AGXT2: variants seen among roughly 807,000 people sequenced by gnomAD.
AGXT2 encodes alanine--glyoxylate aminotransferase 2, mitochondrial.
In AGXT2, 61 loss-of-function variants were observed where a neutral mutation model predicts 62.5. The observed-to-expected ratio is 0.98, with a 90% CI of 0.79 to 1.21. The LOEUF (loss-of-function observed/expected upper bound fraction) is 1.21, where lower values mean the gene tolerates loss of function less well. Ranked by LOEUF, AGXT2 falls within the 50% of genes most tolerant of loss-of-function variation. The probability of loss-of-function intolerance (pLI) is 0.00; values close to 1 mark genes in which losing one functional copy is unlikely to be tolerated. For synonymous variants in AGXT2, 243 were observed against 218.7 expected (o/e 1.11, Z -0.98); for missense variants, 666 against 641.5 (o/e 1.04, Z -0.41).
intron 12 of AGXT2, among the ~76,000 whole-genome samples, chr5:35,007,068 G>A (rs534946404): frequency 2.0e-5 from 3 of 152,142 alleles, no homozygotes; most frequent in African/African-American, 7.2e-5. Flanking sequence ...GCATAATATT[G>A]GGAGGTGGGG....
chr5:34,999,925 C>T (rs1012056349), intron 13 of AGXT2, among the ~76,000 whole-genome samples: 5 of 152,154 alleles, frequency 3.3e-5, no homozygotes, highest in African/African-American at 9.7e-5. Flanking sequence ...TCCCCTTAGC[C>T]TATAAACAAG....
intron 13 of AGXT2, among the ~76,000 whole-genome samples, chr5:35,000,591 A>T (rs563404733): frequency 5.3e-5 from 8 of 152,298 alleles, no homozygotes; most frequent in African/African-American, 1.9e-4. Context: ...TATGTTGGCT[A>T]GGCTGGTCTC....
At chr5:35,035,404 CCT>C in intron 4 of AGXT2, 88 bp from the exon 5 acceptor site, 1 of 1,100,420 alleles carries the variant, frequency 9.1e-7, no homozygotes. Context: ...GTGTCCAGCC[CCT>C]GAGTATTAAG....
rs756574561 is a variant in AGXT2 at position 35,047,854 on chromosome 5, G to A, written c.39C>T (p.Cys13=). The A allele has an allele frequency of 6.2e-7, 1 of 1,614,066 alleles. No individual in the cohort carries two copies. Among genetic ancestry groups the A allele is most frequent in the Non-Finnish European group, 8.5e-7 (1 of 1,179,996 alleles). Residue 13 remains cysteine, a synonymous_variant, in exon 1 of 14, where the codon TGC becomes TGT. Transcript: ENST00000231420. ...LIWRHLLRPL[C]LVTSAPRILE... is the part of the protein sequence containing the mutation. ...GGATCCTGGGAGCGGAAGTGACCAG[G>A]CACAAGGGTCTCAGCAAATGTCTCC...
intron 7 of AGXT2, 75 bp from the exon 8 acceptor site, chr5:35,026,585 G>C: frequency 1.6e-6 from 2 of 1,234,524 alleles, no homozygotes; most frequent in Non-Finnish European, 2.3e-6. Flanking sequence ...GAAACATGGG[G>C]AAAAACAGGA....
chr5:35,004,848 C>G (rs900094645), intron 12 of AGXT2, among the ~76,000 whole-genome samples: 11 of 152,126 alleles, frequency 7.2e-5, no homozygotes, highest in African/African-American at 2.4e-4. Flanking sequence ...TCCCACCAAC[C>G]CCAGATCCAA....
chr5:35,010,551 G>A (rs899606512), intron 11 of AGXT2, among the ~76,000 whole-genome samples: 2 of 152,058 alleles, frequency 1.3e-5, no homozygotes, highest in Non-Finnish European at 2.9e-5. Flanking sequence ...AGGGCTCTGT[G>A]GGGGGCGCCT....
At chr5:35,003,904 T>C (rs111266072) in intron 12 of AGXT2, 43 bp from the exon 13 acceptor site, 1 of 1,584,144 alleles carries the variant, frequency 6.3e-7, no homozygotes. Context: ...GGTGTTGGAA[T>C]GGTTAAAGGA....
In AGXT2 at chr5:35,047,841, C is replaced by T. The variant is rs548090207; in HGVS notation, c.52G>A (p.Ala18Thr). ...LLRPLCLVTS[A>T]PRILEMHPFL... is the part of the protein sequence containing the mutation. ...GGATGCATCTCAAGGATCCTGGGAG[C>T]GGAAGTGACCAGGCACAAGGGTCTC... The change falls in exon 1 of 14, where the codon GCT (alanine) becomes ACT (threonine). Residue 18 changes from alanine to threonine, a missense_variant. Physicochemically the swap from Ala to Thr is moderately conservative, Grantham distance 58 (BLOSUM62 0). Coordinates refer to ENST00000231420, the MANE Select transcript of AGXT2 (RefSeq NM_031900.4). 36 of 1,613,998 alleles carry T rather than the reference C, an allele frequency of 2.2e-5. No individual in the cohort carries two copies. The highest frequency in any genetic ancestry group is 6.7e-5 in the East Asian group (3 of 44,860).
At position 35,018,407 on chromosome 5, in the gene AGXT2, G is replaced by A. The variant is rs182522197; in HGVS notation, c.964-4288C>T. On this transcript the variant is annotated intron_variant, in intron 9 of 13. Transcript: ENST00000231420. The stretch of plus-strand genomic sequence containing the variant: ...AAACTCTACAAGCCAGAAGAGAGTG[G>A]GGGCCAATATTCAACGTTCTTAAAG... Among the ~76,000 whole-genome samples, 6 of 152,196 alleles carry A rather than the reference G, an allele frequency of 3.9e-5. No individual in the cohort carries two copies. In the East Asian group the frequency reaches 1.2e-3, roughly 29 times the overall value.
At chr5:35,035,412 T>C (rs1767724942) in intron 4 of AGXT2, 96 bp from the exon 5 acceptor site, 1 of 993,324 alleles carries the variant, frequency 1.0e-6, no homozygotes, top group African/African-American at 1.6e-5. Context: ...CCCCTGAGTA[T>C]TAAGGAGAGT....
intron 9 of AGXT2, among the ~76,000 whole-genome samples, chr5:35,022,264 A>G (rs1410215240): frequency 1.3e-5 from 2 of 152,186 alleles, no homozygotes; most frequent in Admixed American, 6.5e-5. Flanking sequence ...CTATAAAGAC[A>G]CATGCACACG....
rs769585016 is a variant in AGXT2 at position 35,047,903 on chromosome 5, C to T, written c.-11G>A. ...CCAGATTAGAGTCATTTCTCCCACT[C>T]AGAAAGCCAACCCCCATGGAAGCAG... is the stretch of plus-strand genomic sequence containing the variant. On this transcript the variant is annotated 5_prime_UTR_variant, in exon 1 of 14. Transcript: ENST00000231420. 6.2e-7 allele frequency: 1 copy of T among 1,613,964 alleles called. No homozygotes were observed. Among genetic ancestry groups the T allele is most frequent in the South Asian group, 1.1e-5 (1 of 91,062 alleles).
At chr5:35,033,264 A>T (rs955028725) in intron 6 of AGXT2, 196 bp downstream of exon 6, 10 of 590,892 alleles carry the variant, frequency 1.7e-5, no homozygotes, top group Non-Finnish European at 3.0e-5. Flanking sequence ...AAACTCTGTC[A>T]TTAATTATTA....
chr5:35,039,191 G>T, intron 3 of AGXT2, 133 bp downstream of exon 3: 1 of 1,045,164 alleles, frequency 9.6e-7, no homozygotes, highest in Middle Eastern at 3.1e-4. Context: ...AAATAGCAGG[G>T]AGTATGTCAG....
chr5:35,041,263 G>C (rs912083393), intron 1 of AGXT2, among the ~76,000 whole-genome samples: 2 of 125,946 alleles, frequency 1.6e-5, no homozygotes, highest in Non-Finnish European at 3.2e-5. Flanking sequence ...ATAAGACTGT[G>C]ATGAAACAGG....
intron 1 of AGXT2, among the ~76,000 whole-genome samples, chr5:35,047,426 G>A (rs1768276281): frequency 6.6e-6 from 1 of 152,186 alleles, no homozygotes; most frequent in Admixed American, 6.5e-5. Context: ...CTAGGTGACA[G>A]AGGGAGACCC....
intron 1 of AGXT2, among the ~76,000 whole-genome samples, chr5:35,042,001 T>A (rs1768008100): frequency 6.6e-6 from 1 of 152,342 alleles, no homozygotes; most frequent in Non-Finnish European, 1.5e-5. Flanking sequence ...CTTTTCATTG[T>A]GTCTCTCTGC....
rs1376485098 is a variant in AGXT2, at chr5:35,026,293, T to C, written c.870+117A>G. 4 of 875,908 alleles carry C rather than the reference T, an allele frequency of 4.6e-6. No homozygotes were observed. The African/African-American group carries it at 6.7e-5, about 15-fold the overall frequency. The allele number at this position is 875,908 out of a possible 1,614,324, so 54.3% of individuals were successfully genotyped here. A position where few individuals can be genotyped will look rare whatever the true frequency, so the allele number is the denominator to read the frequency against. On this transcript the variant is annotated intron_variant, in intron 8 of 13. Coordinates refer to ENST00000231420, the MANE Select transcript of AGXT2 (RefSeq NM_031900.4). The stretch of plus-strand genomic sequence containing the variant: ...TTTTCAAGGAGACCAAGAGAATGAA[T>C]TTAGAGAGGGACACAGTGAGCACTT...
Sources: allele counts gnomAD v4.1 joint callset (sites outside exome capture counted in the v4.1 genomes callset), GRCh38; gene constraint gnomAD v4.1.1; transcripts MANE v1.5; gene names NCBI Gene and HGNC (gene_info 2026-07-23, HGNC 2026-07-21).